PDSS2: variants seen among roughly 807,000 people sequenced by gnomAD.
PDSS2 encodes all trans-polyprenyl-diphosphate synthase PDSS2.
A neutral mutation model predicts 44.5 loss-of-function variants in PDSS2; 31 were observed. That is an observed-to-expected ratio of 0.70 (90% CI 0.52 to 0.94). PDSS2 has a LOEUF of 0.94. Among genes scored for constraint, PDSS2 ranks in the 40% least tolerant of loss-of-function variants. PDSS2 has a pLI of 0.00. For missense variants in PDSS2, 452 were observed against 482.2 expected (o/e 0.94, Z 0.59); for synonymous variants, 157 against 180.3 (o/e 0.87, Z 1.03).
intron 2 of PDSS2, among the ~76,000 whole-genome samples, chr6:107,329,873 C>A (rs910841433): frequency 6.6e-6 from 1 of 151,582 alleles, no homozygotes; most frequent in Non-Finnish European, 1.5e-5. Context: ...CAGTGGCGGG[C>A]GCCTGTAATC....
At chr6:107,319,402 G>A (rs370235485) in intron 2 of PDSS2, among the ~76,000 whole-genome samples, 1 of 152,272 alleles carries the variant, frequency 6.6e-6, no homozygotes, top group East Asian at 1.9e-4. Context: ...CTTTTGCTAC[G>A]TTCCCACGCA....
chr6:107,374,316 T>C (rs1231900232), intron 1 of PDSS2, among the ~76,000 whole-genome samples: 1 of 151,036 alleles, frequency 6.6e-6, no homozygotes, highest in Non-Finnish European at 1.5e-5. Flanking sequence ...TACTCTTATG[T>C]GGTGTTGCTA....
At chr6:107,330,803 AG>A (rs1479103627) in intron 2 of PDSS2, among the ~76,000 whole-genome samples, 1 of 152,190 alleles carries the variant, frequency 6.6e-6, no homozygotes, top group East Asian at 1.9e-4. Context: ...TGTTGGCAAA[AG>A]GCTATGGCGA....
chr6:107,444,557 AT>A (rs1781607782), intron 1 of PDSS2, among the ~76,000 whole-genome samples: 2 of 152,156 alleles, frequency 1.3e-5, no homozygotes, highest in Non-Finnish European at 2.9e-5. Context: ...CACCTCAAAT[AT>A]TTGTGGAATG....
At chr6:107,456,462 T>C (rs1344369565) in intron 1 of PDSS2, among the ~76,000 whole-genome samples, 1 of 152,180 alleles carries the variant, frequency 6.6e-6, no homozygotes, top group Non-Finnish European at 1.5e-5. Flanking sequence ...GGAAGTCACA[T>C]AAGGTCATAT....
chr6:107,351,003 G>C (rs999033813), intron 1 of PDSS2, among the ~76,000 whole-genome samples: 4 of 151,962 alleles, frequency 2.6e-5, no homozygotes, highest in African/African-American at 7.3e-5. Context: ...AGCAAAGGGG[G>C]AGAAACTAGG....
intron 1 of PDSS2, among the ~76,000 whole-genome samples, chr6:107,389,819 A>C (rs1235433509): frequency 1.3e-5 from 2 of 148,836 alleles, no homozygotes; most frequent in Non-Finnish European, 3.0e-5. Context: ...AATTAAAAAC[A>C]AAAACAAACA....
At chr6:107,207,027 C>G (rs1445946072) in intron 6 of PDSS2, among the ~76,000 whole-genome samples, 4 of 147,784 alleles carry the variant, frequency 2.7e-5, no homozygotes, top group Non-Finnish European at 4.5e-5. Context: ...GAGTCTTGTT[C>G]TATCGCCCAG....
intron 2 of PDSS2, among the ~76,000 whole-genome samples, chr6:107,274,553 T>A (rs911943131): frequency 2.6e-5 from 4 of 152,168 alleles, no homozygotes; most frequent in Non-Finnish European, 5.9e-5. Flanking sequence ...CTCACGCTCA[T>A]AACTTCAAAA....
chr6:107,194,554 A>G lies in PDSS2; in HGVS notation c.1009-700T>C, dbSNP rs6905916. On this transcript the variant is annotated intron_variant, in intron 6 of 7. Transcript: ENST00000369037. ...AAAGTTGGGTCTGGAGAAGGCTGCT[A>G]AGATTTAGGTTAAACATTTTTGGCA... Among the ~76,000 whole-genome samples the G allele has an allele frequency of 4.4e-3, 674 of 152,322 alleles. 4 individuals carry two copies. The highest frequency in any genetic ancestry group is 0.016 in the African/African-American group (650 of 41,570).
chr6:107,254,746 A>G (rs977307103), intron 3 of PDSS2, among the ~76,000 whole-genome samples: 1 of 152,184 alleles, frequency 6.6e-6, no homozygotes, highest in Non-Finnish European at 1.5e-5. Context: ...CTGCTTCTTC[A>G]TCTGGAGACC....
chr6:107,325,920 T>A (rs1490140518), intron 2 of PDSS2, among the ~76,000 whole-genome samples: 1 of 152,192 alleles, frequency 6.6e-6, no homozygotes. Context: ...TCTTTTCATT[T>A]ATAGTGTCAA....
intron 4 of PDSS2, among the ~76,000 whole-genome samples, chr6:107,244,329 C>G (rs1774538013): frequency 6.6e-6 from 1 of 152,212 alleles, no homozygotes; most frequent in African/African-American, 2.4e-5. Context: ...AGGCAAATCA[C>G]TTACTACAGG....
At chr6:107,227,903 T>C (rs1420037338) in intron 4 of PDSS2, among the ~76,000 whole-genome samples, 4 of 152,096 alleles carry the variant, frequency 2.6e-5, no homozygotes, top group Non-Finnish European at 5.9e-5. Flanking sequence ...AATATTTAGC[T>C]CCAGAGCCCA....
intron 1 of PDSS2, among the ~76,000 whole-genome samples, chr6:107,379,429 T>C (rs769703482): frequency 9.9e-5 from 15 of 152,214 alleles, no homozygotes; most frequent in Non-Finnish European, 1.8e-4. Flanking sequence ...TATTTGGCTA[T>C]GTTGTTTAGG....
intron 1 of PDSS2, among the ~76,000 whole-genome samples, chr6:107,393,673 G>C (rs1229344659): frequency 6.6e-6 from 1 of 152,166 alleles, no homozygotes; most frequent in African/African-American, 2.4e-5. Flanking sequence ...CTTCAAAGCT[G>C]TTATTATGTA....
At chr6:107,315,696 G>A (rs1777177748) in intron 2 of PDSS2, among the ~76,000 whole-genome samples, 1 of 152,152 alleles carries the variant, frequency 6.6e-6, no homozygotes, top group Non-Finnish European at 1.5e-5. Flanking sequence ...TTTGAATCTT[G>A]GGCAATAATT....
rs1362921804 is a variant in PDSS2 at position 107,152,788 on chromosome 6, G to A, written c.*1831C>T. The A allele has an allele frequency of 6.6e-6, 1 of 152,202 alleles. No individual in the cohort carries two copies. Among genetic ancestry groups the A allele is most frequent in the Non-Finnish European group, 1.5e-5 (1 of 68,052 alleles). The allele number at this position is 152,202 out of a possible 1,614,324, so 9.4% of individuals were successfully genotyped here. Reference sequence around the variant, plus strand: ...TTAGTAAAACCTACTGCTTGCTGAAGTTCCTGCACATCCAACCAGCACACC... The same window carrying A: ...TTAGTAAAACCTACTGCTTGCTGAAATTCCTGCACATCCAACCAGCACACC... On this transcript the variant is annotated 3_prime_UTR_variant, in exon 8 of 8. Coordinates refer to ENST00000369037, the MANE Select transcript of PDSS2 (RefSeq NM_020381.4).
At chr6:107,235,219 G>A (rs1321289269) in intron 4 of PDSS2, among the ~76,000 whole-genome samples, 1 of 152,196 alleles carries the variant, frequency 6.6e-6, no homozygotes, top group Non-Finnish European at 1.5e-5. Flanking sequence ...TACACAAGAA[G>A]AGAGAGCTGC....
Sources: allele counts gnomAD v4.1 joint callset (sites outside exome capture counted in the v4.1 genomes callset), GRCh38; gene constraint gnomAD v4.1.1; transcripts MANE v1.5; gene names NCBI Gene and HGNC (gene_info 2026-07-23, HGNC 2026-07-21).